Variants in ADAMTSL3 observed in about 807,000 individuals in gnomAD.
ADAMTSL3 encodes ADAMTS like 3.
Under a neutral mutation model 201.7 loss-of-function variants are expected in ADAMTSL3, and 128 were observed. That is an observed-to-expected ratio of 0.63 (90% CI 0.55 to 0.73). The LOEUF is 0.73. Ranked by LOEUF, ADAMTSL3 falls within the 30% of genes least tolerant of loss-of-function variation. The pLI is 0.00. For missense variants in ADAMTSL3, 1,990 were observed against 2,119.6 expected (o/e 0.94, Z 1.20); for synonymous variants, 738 against 748.4 (o/e 0.99, Z 0.23).
rs771970563 is a variant in ADAMTSL3, at chr15:83,942,579, C to T, written c.2118-17C>T. 1 of 1,605,158 alleles carries T rather than the reference C, an allele frequency of 6.2e-7. No individual in the cohort carries two copies. Among genetic ancestry groups the T allele is most frequent in the Non-Finnish European group, 8.5e-7 (1 of 1,176,248 alleles). ...TTATTGGACTGTTCAACTTTCCCCA[C>T]TTGTTTTCTGTTTTAGGTGGCATGT... On this transcript the variant is annotated splice_polypyrimidine_tract_variant and intron_variant, in intron 17 of 29. Coordinates refer to ENST00000286744, the MANE Select transcript of ADAMTSL3 (RefSeq NM_207517.3).
chr15:83,943,000 G>A lies in ADAMTSL3; in HGVS notation c.2408G>A (p.Cys803Tyr). The A allele has an allele frequency of 6.2e-7, 1 of 1,614,102 alleles. No homozygotes were observed. Among genetic ancestry groups the A allele is most frequent in the Non-Finnish European group, 8.5e-7 (1 of 1,179,968 alleles). The change falls in exon 19 of 30, where the codon TGC becomes TAC. Residue 803 changes from cysteine to tyrosine, a missense_variant. Cys to Tyr is a radical substitution (Grantham distance 194). Coordinates refer to ENST00000286744, the MANE Select transcript of ADAMTSL3 (RefSeq NM_207517.3). Reference sequence around the variant, plus strand: ...TTTTTGAATCTCTCAGATGAATTGTGCCAAGGACCCAAGGCATCGTCTCAC... The same window carrying A: ...TTTTTGAATCTCTCAGATGAATTGTACCAAGGACCCAAGGCATCGTCTCAC... ...GSFLNLSDEL[C>Y]QGPKASSHKS...
intron 17 of ADAMTSL3, among the ~76,000 whole-genome samples, chr15:83,930,904 CA>C (rs1205008873): frequency 6.6e-6 from 1 of 152,194 alleles, no homozygotes; most frequent in African/African-American, 2.4e-5. Flanking sequence ...AGGGCAATAG[CA>C]GTAAAATATT....
chr15:83,773,382 C>A, intron 3 of ADAMTSL3, 141 bp from the exon 4 acceptor site: 1 of 913,278 alleles, frequency 1.1e-6, no homozygotes, highest in Non-Finnish European at 1.6e-6. Flanking sequence ...CACTCCTGGG[C>A]AATAAGATCG....
intron 20 of ADAMTSL3, 32 bp downstream of exon 20, chr15:83,970,669 T>C: frequency 6.2e-7 from 1 of 1,610,752 alleles, no homozygotes; most frequent in South Asian, 1.1e-5. Flanking sequence ...TTCACCAAGA[T>C]ATGCTGATTC....
intron 3 of ADAMTSL3, among the ~76,000 whole-genome samples, chr15:83,769,649 CAA>C (rs2062947034): frequency 6.6e-6 from 1 of 152,154 alleles, no homozygotes; most frequent in Non-Finnish European, 1.5e-5. Context: ...GGTAGCTTGG[CAA>C]GAAGCCATAA....
At chr15:83,885,314 G>C in intron 10 of ADAMTSL3, 102 bp downstream of exon 10, 1 of 881,344 alleles carries the variant, frequency 1.1e-6, no homozygotes, top group Non-Finnish European at 1.8e-6. Context: ...GGTGATTAGA[G>C]ATGTCTCATC....
chr15:83,967,978 A>G (rs1367456905), intron 19 of ADAMTSL3, among the ~76,000 whole-genome samples: 1 of 152,222 alleles, frequency 6.6e-6, no homozygotes, highest in East Asian at 1.9e-4. Context: ...CTGGCTATCC[A>G]TATGCGGAAA....
chr15:83,939,047 G>T (rs2066509308), intron 17 of ADAMTSL3, among the ~76,000 whole-genome samples: 4 of 152,136 alleles, frequency 2.6e-5, no homozygotes, highest in Admixed American at 2.6e-4. Context: ...ATGATCATAT[G>T]AATTTTTTCC....
intron 20 of ADAMTSL3, among the ~76,000 whole-genome samples, chr15:83,974,603 A>G (rs1316996111): frequency 1.3e-5 from 2 of 152,130 alleles, no homozygotes; most frequent in Admixed American, 6.5e-5. Flanking sequence ...TTTCTATATA[A>G]TCCCCCAACA....
At position 83,723,917 on chromosome 15, in the gene ADAMTSL3, C is replaced by T. The variant is rs1426036878; in HGVS notation, c.189+19409C>T. Among the ~76,000 whole-genome samples, 3 of 151,978 alleles carry T rather than the reference C, an allele frequency of 2.0e-5. No individual in the cohort carries two copies. In the East Asian group the frequency reaches 5.8e-4, roughly 29 times the overall value. On this transcript the variant is annotated intron_variant, in intron 3 of 29. Transcript: ENST00000286744. ...GAAGAAGCACTTGGGAAGGGATTAA[C>T]AGTAGTTAATTAACAATTAAGATAT...
chr15:83,814,379 A>G (rs1442820608), intron 5 of ADAMTSL3, among the ~76,000 whole-genome samples: 1 of 152,124 alleles, frequency 6.6e-6, no homozygotes, highest in Non-Finnish European at 1.5e-5. Context: ...CCTCACTTGC[A>G]TTCAAGGACC....
intron 2 of ADAMTSL3, among the ~76,000 whole-genome samples, chr15:83,660,191 A>G (rs945704227): frequency 6.6e-6 from 1 of 152,176 alleles, no homozygotes; most frequent in Non-Finnish European, 1.5e-5. Context: ...TGACATGAGG[A>G]CAAAAGAAGT....
chr15:83,870,807 G>C lies in ADAMTSL3; in HGVS notation c.808G>C (p.Glu270Gln). The change falls in exon 9 of 30, where the codon GAA becomes CAA. Residue 270 changes from glutamate to glutamine, a missense_variant. Physicochemically the swap from Glu to Gln is conservative, Grantham distance 29. Coordinates refer to ENST00000286744, the MANE Select transcript of ADAMTSL3 (RefSeq NM_207517.3). Reference sequence around the variant, plus strand: ...ATCATATATTTTAATTTTAGTTATTGAATCAAAAACACTTCAAGGAAGCAA... The same window carrying C: ...ATCATATATTTTAATTTTAGTTATTCAATCAAAAACACTTCAAGGAAGCAA... ...TVKGPAHLFI[E>Q]SKTLQGSKGE... 1 of 1,568,300 alleles carries C rather than the reference G, an allele frequency of 6.4e-7. No homozygotes were observed. The highest frequency in any genetic ancestry group is 8.6e-7 in the Non-Finnish European group (1 of 1,163,444).
At chr15:83,994,615 G>C (rs1479765638) in intron 23 of ADAMTSL3, among the ~76,000 whole-genome samples, 7 of 32,478 alleles carry the variant, frequency 2.2e-4, no homozygotes, top group Non-Finnish European at 3.8e-4. Context: ...TTTTTTTTTT[G>C]ACACAGAACC....
At chr15:83,730,481 C>T (rs937088449) in intron 3 of ADAMTSL3, among the ~76,000 whole-genome samples, 3 of 152,036 alleles carry the variant, frequency 2.0e-5, no homozygotes, top group African/African-American at 7.2e-5. Context: ...TCAGGTTGCT[C>T]TCCATGGAAA....
At chr15:83,953,109 A>G (rs933376745) in intron 19 of ADAMTSL3, among the ~76,000 whole-genome samples, 2 of 151,938 alleles carry the variant, frequency 1.3e-5, no homozygotes, top group Non-Finnish European at 2.9e-5. Context: ...TTGATTGGGG[A>G]GTTTAGTCCA....
intron 8 of ADAMTSL3, among the ~76,000 whole-genome samples, chr15:83,869,452 C>G (rs1347728929): frequency 1.3e-5 from 2 of 152,170 alleles, no homozygotes; most frequent in Non-Finnish European, 2.9e-5. Flanking sequence ...TCTTCGACCA[C>G]TAATGACTCC....
In ADAMTSL3 at chr15:83,773,539, G is replaced by A. The variant is rs542600075; in HGVS notation, c.206G>A (p.Arg69His). Reference protein sequence around the residue: ...RYDDQTSRNTRSDEDKDGNWD... With the variant: ...RYDDQTSRNTHSDEDKDGNWD... ...AACATCTAGACCTCAAGAAACACTC[G>A]TTCAGATGAAGACAAAGATGGCAAC... Residue 69 changes from arginine (R) to histidine (H), a missense_variant, in exon 4 of 30, where the codon CGT becomes CAT. By Grantham distance (29) the Arg-to-His change is conservative (BLOSUM62 0). Coordinates refer to ENST00000286744, the MANE Select transcript of ADAMTSL3 (RefSeq NM_207517.3). The A allele has an allele frequency of 5.6e-6, 9 of 1,613,422 alleles. No homozygotes were observed. Among genetic ancestry groups the A allele is most frequent in the East Asian group, 4.5e-5 (2 of 44,824 alleles).
At chr15:83,820,554 T>C (rs901136872) in intron 6 of ADAMTSL3, among the ~76,000 whole-genome samples, 1 of 152,228 alleles carries the variant, frequency 6.6e-6, no homozygotes, top group African/African-American at 2.4e-5. Context: ...GTCTGGGGAA[T>C]ACACTTTGAG....
Sources: gnomAD v4.1 joint callset for allele counts (sites outside exome capture counted in the v4.1 genomes callset) on GRCh38, gnomAD v4.1.1 for gene constraint, MANE v1.5 for transcripts, NCBI Gene and HGNC (gene_info 2026-07-23, HGNC 2026-07-21) for gene names.